Variants in PALLD observed in about 807,000 individuals in gnomAD.
The protein encoded by PALLD is palladin.
In PALLD, 61 loss-of-function variants were observed where a neutral mutation model predicts 123.5. The observed-to-expected ratio is 0.49, with a 90% CI of 0.40 to 0.61. The LOEUF (loss-of-function observed/expected upper bound fraction) is 0.61. Among genes scored for constraint, PALLD ranks in the 20% least tolerant of loss-of-function variants. PALLD has a pLI of 0.00. For synonymous variants in PALLD, 465 were observed against 496.4 expected (o/e 0.94, Z 0.84); for missense variants, 1,273 against 1,377.0 (o/e 0.92, Z 1.20).
chr4:168,726,540 GC>G (rs1162676102), intron 10 of PALLD, among the ~76,000 whole-genome samples: 1 of 151,614 alleles, frequency 6.6e-6, no homozygotes, highest in Admixed American at 6.6e-5. Flanking sequence ...TGTTGTCCAT[GC>G]CTGGCTAATT....
chr4:168,791,260 G>A (rs914220462), intron 10 of PALLD, among the ~76,000 whole-genome samples: 2 of 152,150 alleles, frequency 1.3e-5, no homozygotes, highest in Non-Finnish European at 2.9e-5. Flanking sequence ...TCTCCAAAAT[G>A]ATCCCTCTTT....
intron 15 of PALLD, among the ~76,000 whole-genome samples, chr4:168,907,298 A>G (rs538621382): frequency 6.6e-6 from 1 of 152,320 alleles, no homozygotes. Context: ...AACCAGATGT[A>G]AAGGATCAGT....
intron 10 of PALLD, among the ~76,000 whole-genome samples, chr4:168,846,494 C>T (rs919129798): frequency 6.6e-6 from 1 of 151,996 alleles, no homozygotes; most frequent in Admixed American, 6.6e-5. Flanking sequence ...TTTTAAACAC[C>T]CGTTATGCGA....
chr4:168,517,045 A>G (rs2149442380), intron 2 of PALLD, among the ~76,000 whole-genome samples: 1 of 152,324 alleles, frequency 6.6e-6, no homozygotes, highest in Non-Finnish European at 1.5e-5. Context: ...GGCCATTGGA[A>G]AAGTCCAGGC....
chr4:168,900,668 G>T (rs867916457), intron 14 of PALLD, among the ~76,000 whole-genome samples: 2 of 152,106 alleles, frequency 1.3e-5, no homozygotes, highest in African/African-American at 4.8e-5. Context: ...AAAGATCAAA[G>T]AAAAGAGCCT....
At chr4:168,897,793 G>A (rs980021189) in intron 13 of PALLD, among the ~76,000 whole-genome samples, 14 of 151,362 alleles carry the variant, frequency 9.2e-5, no homozygotes, top group African/African-American at 2.7e-4. Context: ...AGGATCCACC[G>A]TAATCACCAC....
chr4:168,594,354 G>T (rs538004268), intron 2 of PALLD, among the ~76,000 whole-genome samples: 6 of 152,212 alleles, frequency 3.9e-5, no homozygotes, highest in Non-Finnish European at 8.8e-5. Flanking sequence ...TAGTCGCAAG[G>T]TGATACCATC....
rs377756289 is a variant in PALLD at position 168,927,382 on chromosome 4, G to GTGTGGAGCACACATGC, written c.*1226_*1241dup. ...TCAAGGAACCCAGGGCCAGCTGGAA[G>GTGTGGAGCACACATGC]TGTGGAGCACACATGCTGTGGAGCA... On this transcript the variant is annotated 3_prime_UTR_variant, in exon 22 of 22. Coordinates refer to ENST00000505667, the MANE Select transcript of PALLD (RefSeq NM_001166108.2). 10 of 232,768 alleles carry GTGTGGAGCACACATGC rather than the reference G, an allele frequency of 4.3e-5. No individual in the cohort carries two copies. Among genetic ancestry groups the GTGTGGAGCACACATGC allele is most frequent in the Non-Finnish European group, 6.8e-5 (8 of 117,754 alleles). The allele number at this position is 232,768 out of a possible 1,614,324, so 14.4% of individuals were successfully genotyped here.
intron 10 of PALLD, among the ~76,000 whole-genome samples, chr4:168,713,502 T>C (rs1019605296): frequency 6.6e-6 from 1 of 152,180 alleles, no homozygotes; most frequent in African/African-American, 2.4e-5. Flanking sequence ...TATCATAAAT[T>C]GGATGTAAAT....
chr4:168,762,430 G>A (rs1469931384), intron 10 of PALLD, among the ~76,000 whole-genome samples: 1 of 152,108 alleles, frequency 6.6e-6, no homozygotes, highest in East Asian at 1.9e-4. Flanking sequence ...CCAAGATTGT[G>A]CCTGTGCACT....
At chr4:168,860,867 T>C (rs756212612) in intron 10 of PALLD, among the ~76,000 whole-genome samples, 4 of 152,222 alleles carry the variant, frequency 2.6e-5, no homozygotes, top group Admixed American at 6.5e-5. Flanking sequence ...TCAACGTGAC[T>C]AAAGAGATCC....
intron 2 of PALLD, among the ~76,000 whole-genome samples, chr4:168,609,287 T>A (rs1773498082): frequency 7.6e-6 from 1 of 130,806 alleles, no homozygotes; most frequent in African/African-American, 3.0e-5. Context: ...CAAGCACTGA[T>A]CCCAGGAGAC....
chr4:168,927,846 T>G lies in PALLD; in HGVS notation c.*1666T>G, dbSNP rs372204597. Reference sequence around the variant, plus strand: ...TAATTTGACCTAGTAGTATAAAACATGAGGCTTTAATGGTACTTTGCTATG... The same window carrying G: ...TAATTTGACCTAGTAGTATAAAACAGGAGGCTTTAATGGTACTTTGCTATG... On this transcript the variant is annotated 3_prime_UTR_variant, in exon 22 of 22. Coordinates refer to ENST00000505667, the MANE Select transcript of PALLD (RefSeq NM_001166108.2). 11 of 213,290 alleles carry G rather than the reference T, an allele frequency of 5.2e-5. No individual in the cohort carries two copies. Among genetic ancestry groups the G allele is most frequent in the South Asian group, 3.7e-4 (2 of 5,374 alleles). The allele number at this position is 213,290 out of a possible 1,614,324, so 13.2% of individuals were successfully genotyped here.
chr4:168,871,129 C>T (rs1751014822), intron 10 of PALLD, among the ~76,000 whole-genome samples: 1 of 152,036 alleles, frequency 6.6e-6, no homozygotes, highest in Admixed American at 6.6e-5. Flanking sequence ...TAGTAGTAAT[C>T]GACTCTTATA....
rs928363629 is a variant in PALLD, at chr4:168,928,439, A to C, written c.*2259A>C. 1 of 178,570 alleles carries C rather than the reference A, an allele frequency of 5.6e-6. No homozygotes were observed. The highest frequency in any genetic ancestry group is 1.2e-5 in the Non-Finnish European group (1 of 82,988). 11.1% of individuals were successfully genotyped at this position (178,570 alleles called of 1,614,324 possible). A position where few individuals can be genotyped will look rare whatever the true frequency, so the allele number is the denominator to read the frequency against. ...ATAATAGTTGCAGTTTTGTGAAGCA[A>C]AATAAATATTCAGTTTTAGTTTTCT... On this transcript the variant is annotated 3_prime_UTR_variant, in exon 22 of 22. Coordinates refer to ENST00000505667, the MANE Select transcript of PALLD (RefSeq NM_001166108.2).
intron 16 of PALLD, among the ~76,000 whole-genome samples, chr4:168,914,299 C>A (rs1323038057): frequency 6.6e-6 from 1 of 152,180 alleles, no homozygotes; most frequent in East Asian, 1.9e-4. Flanking sequence ...CAAGACTCAG[C>A]ACTTTTAAAT....
intron 10 of PALLD, among the ~76,000 whole-genome samples, chr4:168,749,349 A>T (rs1289305639): frequency 3.3e-5 from 5 of 152,060 alleles, no homozygotes; most frequent in Non-Finnish European, 7.4e-5. Flanking sequence ...GAAACACAAG[A>T]ACGGCCTAAC....
intron 10 of PALLD, among the ~76,000 whole-genome samples, chr4:168,772,831 A>G (rs971694366): frequency 6.6e-5 from 10 of 152,186 alleles, no homozygotes; most frequent in African/African-American, 1.9e-4. Context: ...CCAAAAAAAG[A>G]AAGGAAGAAA....
At chr4:168,497,300 T>C (rs905483378) in intron 1 of PALLD, 106 bp downstream of exon 1, 3 of 152,108 alleles carry the variant, frequency 2.0e-5, no homozygotes, top group African/African-American at 7.2e-5. Context: ...ATGATACTAT[T>C]TACAAGATAC....
Sources: allele counts gnomAD v4.1 joint callset (sites outside exome capture counted in the v4.1 genomes callset), GRCh38; gene constraint gnomAD v4.1.1; transcripts MANE v1.5; gene names NCBI Gene and HGNC (gene_info 2026-07-23, HGNC 2026-07-21).